BLMH: variants seen among roughly 807,000 people sequenced by gnomAD.
BLMH encodes BLM hydrolase.
In BLMH, 32 loss-of-function variants were observed where a neutral mutation model predicts 61.6. That is an observed-to-expected ratio of 0.52 (90% CI 0.39 to 0.70). BLMH has a LOEUF of 0.70. Ranked by LOEUF, BLMH falls within the 30% of genes least tolerant of loss-of-function variation. The probability of loss-of-function intolerance (pLI) is 0.00; values close to 1 mark genes in which losing one functional copy is unlikely to be tolerated. For synonymous variants in BLMH, 183 were observed against 193.8 expected, an observed-to-expected ratio of 0.94 and a Z score of 0.46; for missense variants, 460 against 555.5, an observed-to-expected ratio of 0.83 and a Z score of 1.73.
At chr17:30,270,114 G>A (rs1049632637) in intron 10 of BLMH, among the ~76,000 whole-genome samples, 1 of 152,160 alleles carries the variant, frequency 6.6e-6, no homozygotes, top group African/African-American at 2.4e-5. Flanking sequence ...AGGCTAGTTA[G>A]GAAAATGTGG....
At chr17:30,285,528 T>C (rs199684026) in intron 5 of BLMH, 48 bp from the exon 6 acceptor site, 1 of 1,479,072 alleles carries the variant, frequency 6.8e-7, no homozygotes, top group Non-Finnish European at 9.3e-7. Flanking sequence ...CGAATTCAAT[T>C]GTAAATGACT....
At chr17:30,281,350 T>C (rs1374685497) in intron 6 of BLMH, among the ~76,000 whole-genome samples, 3 of 152,034 alleles carry the variant, frequency 2.0e-5, no homozygotes, top group African/African-American at 4.8e-5. Context: ...CCCCCACACC[T>C]ACTAGATCAA....
intron 6 of BLMH, among the ~76,000 whole-genome samples, chr17:30,283,239 A>G (rs1402639149): frequency 1.3e-5 from 2 of 152,144 alleles, no homozygotes; most frequent in African/African-American, 2.4e-5. Flanking sequence ...TAATCCTATA[A>G]AACATTCATA....
intron 1 of BLMH, 85 bp from the exon 2 acceptor site, chr17:30,291,593 T>C (rs1908892399): frequency 1.9e-6 from 3 of 1,540,988 alleles, no homozygotes; most frequent in African/African-American, 2.7e-5. Context: ...TCTAACTTCG[T>C]AAGCGCATCC....
chr17:30,268,648 T>C (rs185261832), intron 10 of BLMH, among the ~76,000 whole-genome samples: 8 of 151,240 alleles, frequency 5.3e-5, no homozygotes, highest in Non-Finnish European at 1.2e-4. Flanking sequence ...AATAGGAGTA[T>C]TCTATAACAG....
At chr17:30,268,741 C>T (rs1432842787) in intron 10 of BLMH, among the ~76,000 whole-genome samples, 1 of 150,744 alleles carries the variant, frequency 6.6e-6, no homozygotes, top group African/African-American at 2.5e-5. Flanking sequence ...AACAAACAAA[C>T]AAAACAAATT....
chr17:30,274,179 T>C lies in BLMH; in HGVS notation c.664A>G (p.Ile222Val). 6.2e-7 allele frequency: 1 copy of C among 1,614,040 alleles called. No individual in the cohort carries two copies. Among genetic ancestry groups the C allele is most frequent in the African/African-American group, 1.3e-5 (1 of 75,034 alleles). The change falls in exon 7 of 12, where the codon ATC (isoleucine) becomes GTC (valine). Residue 222 changes from isoleucine to valine, a missense_variant. By Grantham distance (29) the Ile-to-Val change is conservative. Coordinates refer to ENST00000261714, the MANE Select transcript of BLMH (RefSeq NM_000386.4). ...MMEEIFRVVC[I>V]CLGNPPETFT... Reference sequence around the variant, plus strand: ...GTCTCTGGTGGATTACCCAAACAGATGCACACCACTCGGAATATCTGGAAG... The same window carrying C: ...GTCTCTGGTGGATTACCCAAACAGACGCACACCACTCGGAATATCTGGAAG...
At chr17:30,268,311 C>T (rs541898231) in intron 10 of BLMH, among the ~76,000 whole-genome samples, 1 of 152,188 alleles carries the variant, frequency 6.6e-6, no homozygotes, top group Admixed American at 6.5e-5. Context: ...TCTACAATTA[C>T]AAAATGATTA....
chr17:30,251,423 G>A (rs936342357), intron 11 of BLMH, among the ~76,000 whole-genome samples: 2 of 152,212 alleles, frequency 1.3e-5, no homozygotes, highest in Admixed American at 1.3e-4. Context: ...AGCAAACGAT[G>A]TGTACTGAAT....
chr17:30,277,030 G>A (rs886623559), intron 6 of BLMH, among the ~76,000 whole-genome samples: 1 of 152,218 alleles, frequency 6.6e-6, no homozygotes, highest in African/African-American at 2.4e-5. Flanking sequence ...CTGTGTATAT[G>A]AGCAATTTGT....
chr17:30,256,687 G>A (rs756476858), intron 11 of BLMH, among the ~76,000 whole-genome samples: 1 of 150,074 alleles, frequency 6.7e-6, no homozygotes, highest in African/African-American at 2.5e-5. Context: ...TTTTTAACTG[G>A]TGTTATGCTT....
chr17:30,255,306 C>T lies in BLMH; in HGVS notation c.1217-6138G>A, dbSNP rs559306274. On this transcript the variant is annotated intron_variant, in intron 11 of 11. Coordinates refer to ENST00000261714, the MANE Select transcript of BLMH (RefSeq NM_000386.4). ...AGTAACATGCTGTACAGGTTTGTAGCTTAGGGGCGATGGGCTATACCATCA... is the reference window on the plus strand; with the variant it reads ...AGTAACATGCTGTACAGGTTTGTAGTTTAGGGGCGATGGGCTATACCATCA... Among the ~76,000 whole-genome samples, 4 of 152,282 alleles carry T rather than the reference C, an allele frequency of 2.6e-5. No individual in the cohort carries two copies. In the South Asian group the frequency reaches 6.2e-4, roughly 24 times the overall value.
At chr17:30,262,601 T>A (rs1907987870) in intron 11 of BLMH, among the ~76,000 whole-genome samples, 1 of 152,150 alleles carries the variant, frequency 6.6e-6, no homozygotes, top group African/African-American at 2.4e-5. Flanking sequence ...GAGACCATCC[T>A]GGCTAACACA....
Position 30,281,747 on chromosome 17 carries a change from A to G in BLMH, c.645+3641T>C, listed in dbSNP as rs1015925013. On this transcript the variant is annotated intron_variant, in intron 6 of 11. Coordinates refer to ENST00000261714, the MANE Select transcript of BLMH (RefSeq NM_000386.4). ...AGTGGTGACAATCATAGCTCACTGC[A>G]GCCTGGAATTCCTGGGCACAAGTGA... Among the ~76,000 whole-genome samples the G allele has an allele frequency of 4.6e-5, 7 of 152,172 alleles. No individual in the cohort carries two copies. The East Asian group carries it at 1.3e-3, about 29-fold the overall frequency.
chr17:30,258,440 G>A (rs1250336438), intron 11 of BLMH, among the ~76,000 whole-genome samples: 1 of 152,110 alleles, frequency 6.6e-6, no homozygotes, highest in African/African-American at 2.4e-5. Context: ...CAGAAACAAA[G>A]GTTAGAAGGT....
chr17:30,287,419 G>A (rs2143049941), intron 4 of BLMH, among the ~76,000 whole-genome samples: 1 of 152,306 alleles, frequency 6.6e-6, no homozygotes, highest in East Asian at 1.9e-4. Flanking sequence ...TCAAGCTCAA[G>A]TGTATCTATC....
intron 6 of BLMH, among the ~76,000 whole-genome samples, chr17:30,274,729 C>G (rs1397488838): frequency 1.3e-5 from 2 of 152,120 alleles, no homozygotes; most frequent in Non-Finnish European, 2.9e-5. Flanking sequence ...TGCCTGTAAT[C>G]CCAGTACTTT....
chr17:30,290,507 C>A lies in BLMH; in HGVS notation c.211+804G>T, dbSNP rs139464677. On this transcript the variant is annotated intron_variant, in intron 2 of 11. Transcript: ENST00000261714. ...ACTTTATTCAGGTATAATGTACATA[C>A]AATAAAATGTACTCACGTTAAATGT... Among the ~76,000 whole-genome samples, 183 of 152,050 alleles carry A rather than the reference C, an allele frequency of 1.2e-3. 1 individual carries two copies. The highest frequency in any genetic ancestry group is 4.3e-3 in the African/African-American group (177 of 41,530).
intron 4 of BLMH, 28 bp from the exon 5 acceptor site, chr17:30,286,930 A>G (rs1364958692): frequency 6.9e-7 from 1 of 1,447,256 alleles, no homozygotes; most frequent in Non-Finnish European, 9.6e-7. Flanking sequence ...CTAGTGTTAA[A>G]GAAGGTAAAA....
Sources: allele counts gnomAD v4.1 joint callset (sites outside exome capture counted in the v4.1 genomes callset), GRCh38; gene constraint gnomAD v4.1.1; transcripts MANE v1.5; gene names NCBI Gene and HGNC (gene_info 2026-07-23, HGNC 2026-07-21).